EOGT: variants seen among roughly 807,000 people sequenced by gnomAD.
EOGT encodes the protein EGF domain-specific O-linked N-acetylglucosamine transferase.
A neutral mutation model predicts 70.5 loss-of-function variants in EOGT; 55 were observed. The ratio of observed to expected loss-of-function variants is 0.78; its 90% CI spans 0.63 to 0.98. The LOEUF is 0.98. Ranked by LOEUF, EOGT falls within the 50% of genes least tolerant of loss-of-function variation. The pLI is 0.00. For synonymous variants in EOGT, 246 were observed against 217.1 expected (o/e 1.13, Z -1.17); for missense variants, 703 against 641.9 (o/e 1.10, Z -1.03).
intron 6 of EOGT, among the ~76,000 whole-genome samples, chr3:69,007,132 TA>T (rs2091455314): frequency 6.6e-6 from 1 of 152,222 alleles, no homozygotes; most frequent in African/African-American, 2.4e-5. Flanking sequence ...GGAATGATTC[TA>T]AACCTAAAAA....
intron 10 of EOGT, among the ~76,000 whole-genome samples, chr3:68,993,631 T>C (rs935355926): frequency 5.3e-5 from 8 of 152,166 alleles, no homozygotes; most frequent in Non-Finnish European, 1.2e-4. Context: ...CTCCACACTT[T>C]CAGGTATCTT....
intron 10 of EOGT, among the ~76,000 whole-genome samples, chr3:68,992,757 A>G (rs941085006): frequency 2.0e-5 from 3 of 152,232 alleles, no homozygotes; most frequent in Admixed American, 6.5e-5. Context: ...CCCCTGCAGC[A>G]AACTTCTGCC....
At chr3:68,990,776 A>G (rs1316868601) in intron 10 of EOGT, among the ~76,000 whole-genome samples, 1 of 152,210 alleles carries the variant, frequency 6.6e-6, no homozygotes, top group Admixed American at 6.5e-5. Flanking sequence ...GTAGCACTAC[A>G]TTCAAGCTCT....
At chr3:68,984,502 T>C (rs529070781) in intron 14 of EOGT, among the ~76,000 whole-genome samples, 89 of 152,256 alleles carry the variant, frequency 5.8e-4, no homozygotes, top group Non-Finnish European at 8.5e-4. Context: ...AACCCTAAAG[T>C]TGGGCAGAAT....
intron 10 of EOGT, among the ~76,000 whole-genome samples, chr3:68,990,062 T>C: frequency 6.6e-6 from 1 of 152,182 alleles, no homozygotes; most frequent in East Asian, 1.9e-4. Context: ...CAATAACAAC[T>C]TTATATAATA....
rs72922985 is a variant in EOGT, at chr3:69,004,976, C to A, written c.515+164G>T. 0.01 allele frequency among the ~76,000 whole-genome samples: 1,570 copies of A among 151,298 alleles called. 38 individuals are homozygous for A. The highest frequency in any genetic ancestry group is 0.035 in the African/African-American group (1,455 of 41,152). On this transcript the variant is annotated intron_variant, in intron 7 of 17. Transcript: ENST00000383701. ...ACTTGAGAGGCTCAAGTGGGAGGAT[C>A]ACTTGGGTTTGGGAGGTCACAGCTG...
intron 14 of EOGT, among the ~76,000 whole-genome samples, chr3:68,985,185 A>G (rs2090770026): frequency 6.6e-6 from 1 of 152,168 alleles, no homozygotes; most frequent in South Asian, 2.1e-4. Context: ...TCTGTTGGCT[A>G]GTGAGGCTTC....
intron 14 of EOGT, among the ~76,000 whole-genome samples, chr3:68,983,752 T>C (rs554960964): frequency 9.9e-5 from 15 of 152,128 alleles, no homozygotes; most frequent in African/African-American, 2.4e-5. Flanking sequence ...TCACCTGAGG[T>C]CAGGAGTTCG....
intron 15 of EOGT, among the ~76,000 whole-genome samples, chr3:68,982,533 C>T (rs1257998217): frequency 1.3e-5 from 2 of 152,064 alleles, no homozygotes; most frequent in Non-Finnish European, 2.9e-5. Flanking sequence ...AACAAACAAA[C>T]AAACAAACAA....
intron 6 of EOGT, among the ~76,000 whole-genome samples, chr3:69,005,776 T>C (rs905162085): frequency 6.6e-6 from 1 of 152,056 alleles, no homozygotes; most frequent in African/African-American, 2.4e-5. Flanking sequence ...AGTCGAAGAG[T>C]CAGCTACCAG....
chr3:68,979,595 C>A (rs2090573670), intron 16 of EOGT, 73 bp downstream of exon 16: 2 of 1,491,048 alleles, frequency 1.3e-6, no homozygotes, highest in Non-Finnish European at 1.8e-6. Flanking sequence ...TTTTGATGCT[C>A]AGAATGAAAG....
intron 15 of EOGT, among the ~76,000 whole-genome samples, chr3:68,980,576 C>T (rs2090610868): frequency 6.6e-6 from 1 of 152,120 alleles, no homozygotes; most frequent in African/African-American, 2.4e-5. Context: ...CCCAACTTAC[C>T]CAAAGTAAAG....
chr3:68,979,259 G>T (rs993054832), intron 16 of EOGT, among the ~76,000 whole-genome samples: 3 of 152,168 alleles, frequency 2.0e-5, no homozygotes, highest in African/African-American at 4.8e-5. Context: ...CCTGTGTATG[G>T]GATCAGCAAG....
At chr3:69,002,077 C>T (rs1291627352) in intron 8 of EOGT, among the ~76,000 whole-genome samples, 1 of 152,094 alleles carries the variant, frequency 6.6e-6, no homozygotes. Context: ...TTAGTCCCAG[C>T]CATTTTCAGG....
At chr3:68,984,658 G>T (rs73835391) in intron 14 of EOGT, among the ~76,000 whole-genome samples, 31 of 152,218 alleles carry the variant, frequency 2.0e-4, no homozygotes, top group Middle Eastern at 6.8e-3. Flanking sequence ...GCAGCCAGTT[G>T]GGTGCTCTTT....
At chr3:69,011,557 T>C (rs183545396) in intron 3 of EOGT, among the ~76,000 whole-genome samples, 2 of 140,810 alleles carry the variant, frequency 1.4e-5, no homozygotes, top group African/African-American at 5.4e-5. Context: ...ATCTCGCCAC[T>C]GCACTCCAGC....
intron 6 of EOGT, among the ~76,000 whole-genome samples, chr3:69,006,405 A>G (rs1177207206): frequency 6.6e-6 from 1 of 152,200 alleles, no homozygotes; most frequent in Non-Finnish European, 1.5e-5. Flanking sequence ...TTTGAATGTG[A>G]GTAAATTAAA....
chr3:69,002,661 C>CT (rs34786432), intron 8 of EOGT, among the ~76,000 whole-genome samples: 50,067 of 144,756 alleles, frequency 0.35, 8,887 homozygotes, highest in East Asian at 0.57. Flanking sequence ...GCATGAATTT[C>CT]TTTTTTTTTT....
rs2090879319 is a variant in EOGT, at chr3:68,988,380, A to G, written c.998T>C (p.Ile333Thr). 6.5e-7 allele frequency: 1 copy of G among 1,534,716 alleles called. No homozygotes were observed. The highest frequency in any genetic ancestry group is 1.4e-5 in the African/African-American group (1 of 73,022). Residue 333 changes from isoleucine to threonine, a missense_variant and splice_region_variant, in exon 13 of 18, where the codon ATA (isoleucine) becomes ACA (threonine). By Grantham distance (89) the Ile-to-Thr change is moderately conservative. Coordinates refer to ENST00000383701, the MANE Select transcript of EOGT (RefSeq NM_001278689.2). ...TAGTCCAGTATTTTGACAGCCAGATATCTAAAATAAAAACACTGGTTCATA... is the reference window on the plus strand; with the variant it reads ...TAGTCCAGTATTTTGACAGCCAGATGTCTAAAATAAAAACACTGGTTCATA... The part of the protein sequence containing the change: ...RYGLFYNTPL[I>T]SGCQNTGLFR...
Sources: gnomAD v4.1 joint callset for allele counts (sites outside exome capture counted in the v4.1 genomes callset) on GRCh38, gnomAD v4.1.1 for gene constraint, MANE v1.5 for transcripts, NCBI Gene and HGNC (gene_info 2026-07-23, HGNC 2026-07-21) for gene names.